RSF1: variants seen among roughly 807,000 people sequenced by gnomAD.
RSF1 encodes the protein remodeling and spacing factor 1.
In RSF1, 13 loss-of-function variants were observed where a neutral mutation model predicts 145.2. The ratio of observed to expected loss-of-function variants is 0.09; its 90% CI spans 0.06 to 0.14. The LOEUF (loss-of-function observed/expected upper bound fraction) is 0.14. Ranked by LOEUF, RSF1 falls within the 10% of genes least tolerant of loss-of-function variation. RSF1 has a pLI of 1.00. For synonymous variants in RSF1, 577 were observed against 592.6 expected (o/e 0.97, Z 0.38); for missense variants, 1,517 against 1,718.2 (o/e 0.88, Z 2.07).
At chr11:77,707,443 T>C (rs1025336887) in intron 5 of RSF1, among the ~76,000 whole-genome samples, 3 of 152,192 alleles carry the variant, frequency 2.0e-5, no homozygotes, top group Non-Finnish European at 2.9e-5. Context: ...TGCTAAGGTA[T>C]ACTGCATTGA....
At chr11:77,766,136 A>G (rs1948222947) in intron 1 of RSF1, among the ~76,000 whole-genome samples, 1 of 148,582 alleles carries the variant, frequency 6.7e-6, no homozygotes. Flanking sequence ...AAAATGCTGG[A>G]TCAAAAAAAA....
chr11:77,709,363 T>C (rs754715918), intron 5 of RSF1, among the ~76,000 whole-genome samples: 16 of 152,228 alleles, frequency 1.1e-4, no homozygotes, highest in African/African-American at 2.9e-4. Flanking sequence ...TGGGAAAAAT[T>C]TGACTGCTTT....
the RSF1 span, chr11:77,868,718 G>A: frequency 4.6e-6 from 1 of 219,388 alleles, no homozygotes; most frequent in Non-Finnish European, 1.0e-5. Context: ...ACAAATTATG[G>A]CGTGAATTCA....
At chr11:77,845,801 A>G in the RSF1 span, among the ~76,000 whole-genome samples, 1 of 152,124 alleles carries the variant, frequency 6.6e-6, no homozygotes, top group African/African-American at 2.4e-5. Flanking sequence ...AGATATTGTT[A>G]TACTTTCCTT....
the RSF1 span, among the ~76,000 whole-genome samples, chr11:77,854,006 T>C: frequency 6.6e-6 from 1 of 151,120 alleles, no homozygotes; most frequent in Non-Finnish European, 1.5e-5. Context: ...TTTTTTTTTT[T>C]TTGAGACAGA....
chr11:77,784,938 A>C (rs1051790414), intron 1 of RSF1, among the ~76,000 whole-genome samples: 2 of 152,192 alleles, frequency 1.3e-5, no homozygotes, highest in African/African-American at 4.8e-5. Flanking sequence ...GATTTCTGAA[A>C]TTCTGTCTTC....
chr11:77,767,623 T>C (rs1250193819), intron 1 of RSF1, among the ~76,000 whole-genome samples: 1 of 152,232 alleles, frequency 6.6e-6, no homozygotes, highest in East Asian at 1.9e-4. Flanking sequence ...AAGAGTTATT[T>C]ATTGTTTTCT....
At chr11:77,809,137 G>T (rs1007819515) in intron 1 of RSF1, among the ~76,000 whole-genome samples, 4 of 152,150 alleles carry the variant, frequency 2.6e-5, no homozygotes, top group Non-Finnish European at 1.5e-5. Context: ...CTTTAACACT[G>T]TGTGACTTCA....
chr11:77,770,326 G>A (rs1167388365), intron 1 of RSF1, among the ~76,000 whole-genome samples: 4 of 152,144 alleles, frequency 2.6e-5, no homozygotes, highest in African/African-American at 9.7e-5. Context: ...GCCAGGTGTG[G>A]TGGCGTGCAC....
intron 3 of RSF1, among the ~76,000 whole-genome samples, chr11:77,745,477 T>A (rs1947989940): frequency 6.6e-6 from 1 of 151,272 alleles, no homozygotes; most frequent in Non-Finnish European, 1.5e-5. Flanking sequence ...TCCATTTTCA[T>A]TTCTCTCAAG....
At chr11:77,682,831 G>A (rs925470434) in intron 11 of RSF1, among the ~76,000 whole-genome samples, 4 of 152,218 alleles carry the variant, frequency 2.6e-5, no homozygotes, top group African/African-American at 9.6e-5. Flanking sequence ...TGATCTAGAG[G>A]AGGTTAACAA....
rs888214242 is a variant in RSF1, at chr11:77,811,056, C to A, written c.187+9472G>T. The stretch of plus-strand genomic sequence containing the variant: ...GCAGTATGAGCCACCATACCCAGCC[C>A]AATACTTTAGGTTTTGAAGTTATAT... On this transcript the variant is annotated intron_variant, in intron 1 of 15. Transcript: ENST00000308488. Among the ~76,000 whole-genome samples the A allele has an allele frequency of 2.0e-5, 3 of 152,192 alleles. No homozygotes were observed. The East Asian group carries it at 5.8e-4, about 29-fold the overall frequency.
At chr11:77,708,644 T>G (rs1960608478) in intron 5 of RSF1, among the ~76,000 whole-genome samples, 1 of 152,200 alleles carries the variant, frequency 6.6e-6, no homozygotes, top group African/African-American at 2.4e-5. Flanking sequence ...AAAGGATTAT[T>G]GCAAGAGAAC....
chr11:77,692,480 G>A (rs1211597128), intron 8 of RSF1, among the ~76,000 whole-genome samples: 2 of 103,110 alleles, frequency 1.9e-5, no homozygotes, highest in South Asian at 2.8e-4. Flanking sequence ...TCCTGACCTC[G>A]TGATCCGCCC....
chr11:77,797,761 C>T (rs1948587192), intron 1 of RSF1, among the ~76,000 whole-genome samples: 1 of 152,120 alleles, frequency 6.6e-6, no homozygotes, highest in African/African-American at 2.4e-5. Context: ...GCAATCTATC[C>T]ATCTGACAAA....
At chr11:77,678,874 A>C (rs1385549573) in intron 11 of RSF1, among the ~76,000 whole-genome samples, 1 of 152,220 alleles carries the variant, frequency 6.6e-6, no homozygotes, top group Non-Finnish European at 1.5e-5. Context: ...CATACCTGCC[A>C]GTATCTTGAC....
intron 1 of RSF1, among the ~76,000 whole-genome samples, chr11:77,779,081 T>C (rs978842492): frequency 6.6e-6 from 1 of 151,926 alleles, no homozygotes; most frequent in African/African-American, 2.4e-5. Flanking sequence ...GTAGCTGGGA[T>C]TACAGACATG....
At chr11:77,672,269 G>T in intron 14 of RSF1, 39 bp from the exon 15 acceptor site, 1 of 1,510,960 alleles carries the variant, frequency 6.6e-7, no homozygotes, top group Non-Finnish European at 8.9e-7. Flanking sequence ...CAAAATTTAA[G>T]TCTATTTAGA....
At chr11:77,700,096 T>C (rs1008101237) in intron 6 of RSF1, among the ~76,000 whole-genome samples, 1 of 152,056 alleles carries the variant, frequency 6.6e-6, no homozygotes, top group Non-Finnish European at 1.5e-5. Context: ...CTCACGCCTG[T>C]AATCCCAGCA....
Sources: allele counts gnomAD v4.1 joint callset (sites outside exome capture counted in the v4.1 genomes callset), GRCh38; gene constraint gnomAD v4.1.1; transcripts MANE v1.5; gene names NCBI Gene and HGNC (gene_info 2026-07-23, HGNC 2026-07-21).